The following INSYN2B variants were observed in gnomAD, a reference collection of about 807,000 sequenced individuals.
INSYN2B encodes the protein inhibitory synaptic factor family member 2B.
A neutral mutation model predicts 41.2 loss-of-function variants in INSYN2B; 16 were observed. The ratio of observed to expected loss-of-function variants is 0.39; its 90% CI spans 0.26 to 0.59. INSYN2B has a LOEUF of 0.59. INSYN2B is among the 20% of genes least tolerant of loss of function. The probability of loss-of-function intolerance (pLI) is 0.57; values close to 1 mark genes in which losing one functional copy is unlikely to be tolerated. For synonymous variants in INSYN2B, 245 were observed against 244.4 expected (o/e 1.00, Z -0.02); for missense variants, 608 against 646.4 (o/e 0.94, Z 0.64).
chr5:169,941,261 T>G (rs1776233428), intron 1 of INSYN2B, among the ~76,000 whole-genome samples: 1 of 152,202 alleles, frequency 6.6e-6, no homozygotes, highest in Non-Finnish European at 1.5e-5. Context: ...CAGGCTGGAA[T>G]GCAATGGATA....
intron 1 of INSYN2B, among the ~76,000 whole-genome samples, chr5:169,913,348 G>A (rs1230949041): frequency 6.6e-6 from 1 of 152,040 alleles, no homozygotes; most frequent in African/African-American, 2.4e-5. Context: ...CTGATCTATG[G>A]CTAGAACTAT....
chr5:169,962,047 A>G (rs991152638), intron 1 of INSYN2B, among the ~76,000 whole-genome samples: 3 of 151,908 alleles, frequency 2.0e-5, no homozygotes, highest in Admixed American at 1.3e-4. Context: ...AACTTGTCCA[A>G]CTTGGAGAAA....
At chr5:169,919,814 G>C (rs1356540314) in intron 1 of INSYN2B, among the ~76,000 whole-genome samples, 1 of 152,166 alleles carries the variant, frequency 6.6e-6, no homozygotes, top group Non-Finnish European at 1.5e-5. Context: ...TATTAATAGA[G>C]ATCAGGACCT....
At chr5:169,914,947 C>A (rs11741522) in intron 1 of INSYN2B, among the ~76,000 whole-genome samples, 54,670 of 152,130 alleles carry the variant, frequency 0.36, 10,133 homozygotes, top group South Asian at 0.42. Flanking sequence ...GCAGCGCCTG[C>A]CCAGAGCTGG....
intron 1 of INSYN2B, among the ~76,000 whole-genome samples, chr5:169,972,720 G>T (rs191566862): frequency 5.8e-4 from 89 of 152,288 alleles, no homozygotes; most frequent in African/African-American, 1.4e-3. Context: ...CACAATAAGT[G>T]CTAAATAAAT....
intron 1 of INSYN2B, among the ~76,000 whole-genome samples, chr5:169,978,041 C>T (rs554803177): frequency 2.6e-5 from 4 of 152,312 alleles, no homozygotes; most frequent in African/African-American, 9.6e-5. Context: ...GTCTCTGAGC[C>T]TCCCTCGGCA....
At chr5:169,915,672 C>T (rs566454067) in intron 1 of INSYN2B, among the ~76,000 whole-genome samples, 4 of 151,780 alleles carry the variant, frequency 2.6e-5, no homozygotes, top group African/African-American at 9.7e-5. Context: ...CACTGATGTT[C>T]ATTATTTAGA....
rs565939477 is a variant in INSYN2B, at chr5:169,958,888, G to A, written c.-919+21389C>T. The stretch of plus-strand genomic sequence containing the variant: ...AGAGAGTGGGGGAAAAACCTAGTAC[G>A]CTTTGTGTCTCTCAAAGACAATGTG... On this transcript the variant is annotated intron_variant, in intron 1 of 3. Transcript: ENST00000377365. Among the ~76,000 whole-genome samples the A allele has an allele frequency of 3.9e-5, 6 of 152,178 alleles. No homozygotes were observed. In the South Asian group the frequency reaches 8.3e-4, roughly 21 times the overall value.
intron 3 of INSYN2B, among the ~76,000 whole-genome samples, chr5:169,880,333 C>A (rs998495406): frequency 2.0e-5 from 3 of 152,224 alleles, no homozygotes; most frequent in Non-Finnish European, 4.4e-5. Context: ...GGCATATGGT[C>A]TCTTACTCAT....
In INSYN2B at chr5:169,918,479, G is replaced by A. The variant is rs75298390; in HGVS notation, c.-918-33663C>T. Among the ~76,000 whole-genome samples, 743 of 152,312 alleles carry A rather than the reference G, an allele frequency of 4.9e-3. 11 individuals carry two copies. Among genetic ancestry groups the A allele is most frequent in the African/African-American group, 0.017 (692 of 41,566 alleles). On this transcript the variant is annotated intron_variant, in intron 1 of 3. Transcript: ENST00000377365. ...GCCAAATGAACTACAGAATATTCAT[G>A]CTGAGAGCATCATCTCACAGTTAAA...
chr5:169,942,472 G>T (rs187033054), intron 1 of INSYN2B, among the ~76,000 whole-genome samples: 1 of 152,166 alleles, frequency 6.6e-6, no homozygotes, highest in Non-Finnish European at 1.5e-5. Context: ...TGTTCAAGTG[G>T]GTTGTCTTGA....
chr5:169,966,975 G>A (rs1159133982), intron 1 of INSYN2B, among the ~76,000 whole-genome samples: 2 of 152,188 alleles, frequency 1.3e-5, no homozygotes, highest in Admixed American at 6.5e-5. Flanking sequence ...CCCAATCTGT[G>A]TCCCACTGAT....
At position 169,968,520 on chromosome 5, in the gene INSYN2B, T is replaced by C. The variant is rs1012874664; in HGVS notation, c.-919+11757A>G. On this transcript the variant is annotated intron_variant, in intron 1 of 3. Transcript: ENST00000377365. ...TGGAAGAAACATTGGGGGGTCAATG[T>C]TCAGGGGGCCCAAGTGTTCTTCGAC... 3.9e-5 allele frequency among the ~76,000 whole-genome samples: 6 copies of C among 152,156 alleles called. No individual in the cohort carries two copies. The South Asian group carries it at 1.2e-3, about 32-fold the overall frequency.
Position 169,924,743 on chromosome 5 carries a change from A to G in INSYN2B, c.-918-39927T>C, listed in dbSNP as rs532623797. 2.0e-5 allele frequency among the ~76,000 whole-genome samples: 3 copies of G among 152,280 alleles called. No individual in the cohort carries two copies. In the South Asian group the frequency reaches 6.2e-4, roughly 32 times the overall value. On this transcript the variant is annotated intron_variant, in intron 1 of 3. Coordinates refer to ENST00000377365, the MANE Select transcript of INSYN2B (RefSeq NM_001129891.3). ...CTGAAAGTTGAATAATTAACAGGAC[A>G]TTTCTTTTCCAACCCTTCTTTTCTT...
chr5:169,888,084 G>T (rs1047496343), intron 1 of INSYN2B, among the ~76,000 whole-genome samples: 1 of 152,200 alleles, frequency 6.6e-6, no homozygotes, highest in African/African-American at 2.4e-5. Context: ...AACGAATGTG[G>T]AAACTCTCGT....
chr5:169,894,722 G>C (rs114378834), intron 1 of INSYN2B, among the ~76,000 whole-genome samples: 1 of 152,180 alleles, frequency 6.6e-6, no homozygotes, highest in East Asian at 1.9e-4. Flanking sequence ...ACACACAGTA[G>C]GTGCTCAGTA....
chr5:169,885,104 C>A lies in INSYN2B; in HGVS notation c.-918-288G>T, dbSNP rs186480844. Among the ~76,000 whole-genome samples, 796 of 152,324 alleles carry A rather than the reference C, an allele frequency of 5.2e-3. 7 individuals are homozygous for A. The highest frequency in any genetic ancestry group is 0.016 in the African/African-American group (682 of 41,556). ...CCAGCAATTTCTCAGGCAGCCTTTA[C>A]AATGTCTCCCTCTTACTCACACACC... On this transcript the variant is annotated intron_variant, in intron 1 of 3. Transcript: ENST00000377365.
chr5:169,933,622 G>A lies in INSYN2B; in HGVS notation c.-919+46655C>T, dbSNP rs190410571. On this transcript the variant is annotated intron_variant, in intron 1 of 3. Transcript: ENST00000377365. ...CTCCTTCCCTTTTCTTCCTTCGTTC[G>A]GCCTCCTTCCTTGTGAGGAGTAACA... is the stretch of plus-strand genomic sequence containing the variant. Among the ~76,000 whole-genome samples, 608 of 152,138 alleles carry A rather than the reference G, an allele frequency of 4.0e-3. 1 individual carries two copies. The highest frequency in any genetic ancestry group is 6.7e-3 in the Non-Finnish European group (456 of 67,992).
chr5:169,937,852 A>G (rs1277704427), intron 1 of INSYN2B, among the ~76,000 whole-genome samples: 1 of 152,130 alleles, frequency 6.6e-6, no homozygotes, highest in African/African-American at 2.4e-5. Context: ...GAAATCAAAT[A>G]TTTCTTCTCT....
Sources: gnomAD v4.1 joint callset for allele counts (sites outside exome capture counted in the v4.1 genomes callset) on GRCh38, gnomAD v4.1.1 for gene constraint, MANE v1.5 for transcripts, NCBI Gene and HGNC (gene_info 2026-07-23, HGNC 2026-07-21) for gene names.